Variants in SUGCT observed in about 807,000 individuals in gnomAD.
SUGCT encodes succinyl-CoA:glutarate-CoA transferase.
Under a neutral mutation model 55.0 loss-of-function variants are expected in SUGCT, and 41 were observed. That is an observed-to-expected ratio of 0.74 (90% CI 0.58 to 0.97). The LOEUF is 0.97. Ranked by LOEUF, SUGCT falls within the 50% of genes least tolerant of loss-of-function variation. The probability of loss-of-function intolerance (pLI) is 0.00; values close to 1 mark genes in which losing one functional copy is unlikely to be tolerated. For missense variants in SUGCT, 568 were observed against 547.8 expected, an observed-to-expected ratio of 1.04 and a Z score of -0.37; for synonymous variants, 187 against 200.4, an observed-to-expected ratio of 0.93 and a Z score of 0.56.
chr7:40,448,899 C>T (rs1049554953), intron 9 of SUGCT, among the ~76,000 whole-genome samples: 12 of 143,286 alleles, frequency 8.4e-5, no homozygotes, highest in African/African-American at 3.2e-4. Flanking sequence ...CATACATAGA[C>T]ACATATGTGT....
chr7:40,867,886 A>G, the SUGCT span, among the ~76,000 whole-genome samples: 1 of 152,198 alleles, frequency 6.6e-6, no homozygotes, highest in East Asian at 1.9e-4. Context: ...GTTCTCTTCT[A>G]TTAAACTATA....
chr7:40,451,050 C>G (rs1789163697), intron 10 of SUGCT, among the ~76,000 whole-genome samples: 2 of 151,352 alleles, frequency 1.3e-5, no homozygotes, highest in Admixed American at 6.6e-5. Context: ...AACATTTGAT[C>G]TGGGATCAAA....
At chr7:40,848,499 C>A (rs1285808446) in intron 13 of SUGCT, among the ~76,000 whole-genome samples, 1 of 152,026 alleles carries the variant, frequency 6.6e-6, no homozygotes, top group African/African-American at 2.4e-5. Context: ...GCCTCATTTC[C>A]GTTATCTGCA....
intron 9 of SUGCT, among the ~76,000 whole-genome samples, chr7:40,429,170 G>T (rs1321327205): frequency 6.6e-6 from 1 of 151,658 alleles, no homozygotes. Context: ...TACACATTTA[G>T]CATGAATCTC....
chr7:40,720,975 A>G (rs947026549), intron 12 of SUGCT, among the ~76,000 whole-genome samples: 9 of 152,240 alleles, frequency 5.9e-5, no homozygotes, highest in African/African-American at 2.2e-4. Context: ...TTCCAAAAGC[A>G]CATAAGGTTA....
chr7:40,935,593 T>C, the SUGCT span, among the ~76,000 whole-genome samples: 17 of 152,364 alleles, frequency 1.1e-4, no homozygotes, highest in African/African-American at 4.1e-4. Flanking sequence ...CTTTATTTAT[T>C]TTATGGCCGA....
At chr7:40,562,298 C>CA (rs113046606) in intron 12 of SUGCT, among the ~76,000 whole-genome samples, 16,744 of 91,730 alleles carry the variant, frequency 0.18, 1,378 homozygotes, top group African/African-American at 0.31. Context: ...GATTCCGTCT[C>CA]AAAAAAAAAA....
At chr7:41,016,088 C>T in the SUGCT span, among the ~76,000 whole-genome samples, 1 of 152,176 alleles carries the variant, frequency 6.6e-6, no homozygotes, top group Non-Finnish European at 1.5e-5. Flanking sequence ...TTCCCATGTT[C>T]TAACCATCAG....
rs192055422 is a variant in SUGCT, at chr7:40,185,563, C to T, written c.227-2932C>T. 4.2e-3 allele frequency among the ~76,000 whole-genome samples: 641 copies of T among 152,260 alleles called. 5 individuals carry two copies. The highest frequency in any genetic ancestry group is 0.014 in the African/African-American group (585 of 41,534). On this transcript the variant is annotated intron_variant, in intron 3 of 13. Coordinates refer to ENST00000335693, the MANE Select transcript of SUGCT (RefSeq NM_001193313.2). ...TGAGACAGACTTTTCGCTCTTCTTG[C>T]CCAGGCTGGAGTGCAATGGCACGAT...
the SUGCT span, among the ~76,000 whole-genome samples, chr7:40,930,762 C>G: frequency 1.1e-4 from 17 of 152,102 alleles, no homozygotes; most frequent in Admixed American, 6.6e-4. Flanking sequence ...GATTTTTGCA[C>G]ATTGATTTTG....
chr7:40,484,482 C>G (rs368935073), intron 11 of SUGCT, among the ~76,000 whole-genome samples: 1 of 152,142 alleles, frequency 6.6e-6, no homozygotes, highest in South Asian at 2.1e-4. Context: ...TGCCAGTGGC[C>G]TAAGGGTGGT....
intron 13 of SUGCT, among the ~76,000 whole-genome samples, chr7:40,800,325 G>A (rs1348417331): frequency 1.4e-5 from 2 of 140,206 alleles, no homozygotes; most frequent in Non-Finnish European, 3.1e-5. Context: ...TTTCAGTCTT[G>A]TCACCCAGGC....
In SUGCT at chr7:40,372,928, GA is replaced by G. The variant is rs564986737; in HGVS notation, c.816+56077del. Among the ~76,000 whole-genome samples, 50 of 152,124 alleles carry G rather than the reference GA, an allele frequency of 3.3e-4. No individual in the cohort carries two copies. The East Asian group carries it at 5.4e-3, about 16-fold the overall frequency. ...ATTCAAATCCATATTGATTTGTCAT[GA>G]AAAGGAAATTGTAAGACAAATATAT... is the stretch of plus-strand genomic sequence containing the variant. On this transcript the variant is annotated intron_variant, in intron 9 of 13. Transcript: ENST00000335693.
At position 40,162,619 on chromosome 7, in the gene SUGCT, G is replaced by A. The variant is rs567871772; in HGVS notation, c.101-18328G>A. 3.9e-5 allele frequency among the ~76,000 whole-genome samples: 6 copies of A among 152,296 alleles called. No individual in the cohort carries two copies. In the South Asian group the frequency reaches 1.2e-3, roughly 32 times the overall value. On this transcript the variant is annotated intron_variant, in intron 1 of 13. Coordinates refer to ENST00000335693, the MANE Select transcript of SUGCT (RefSeq NM_001193313.2). Reference sequence around the variant, plus strand: ...AGCCTCCTGAGTAGCTGGGACCACAGGCATGCACCATCATTCCCAGCTGAC... The same window carrying A: ...AGCCTCCTGAGTAGCTGGGACCACAAGCATGCACCATCATTCCCAGCTGAC...
intron 12 of SUGCT, among the ~76,000 whole-genome samples, chr7:40,666,402 A>G (rs915911617): frequency 6.9e-5 from 8 of 115,728 alleles, no homozygotes; most frequent in African/African-American, 3.3e-4. Context: ...AAAGAAAGAA[A>G]GTAGGGTTAT....
chr7:40,459,285 A>T, intron 11 of SUGCT, 87 bp downstream of exon 11: 1 of 843,850 alleles, frequency 1.2e-6, no homozygotes, highest in Non-Finnish European at 1.8e-6. Flanking sequence ...TTCTTGGCTT[A>T]TTTGAGATCA....
intron 12 of SUGCT, among the ~76,000 whole-genome samples, chr7:40,601,994 T>C (rs1798315134): frequency 6.6e-6 from 1 of 152,232 alleles, no homozygotes; most frequent in Non-Finnish European, 1.5e-5. Context: ...TGGACTTTTA[T>C]AGACATACTC....
At chr7:40,863,779 C>T (rs1794534157), downstream of SUGCT, among the ~76,000 whole-genome samples, 2 of 151,816 alleles carry the variant, frequency 1.3e-5, no homozygotes, top group South Asian at 2.1e-4. Flanking sequence ...TGAGGTACAA[C>T]GGGCCTGAAA....
At chr7:40,845,765 G>A (rs145469287) in intron 13 of SUGCT, among the ~76,000 whole-genome samples, 105 of 152,258 alleles carry the variant, frequency 6.9e-4, no homozygotes, top group African/African-American at 2.3e-3. Context: ...GGTTTGGGGG[G>A]CCTAATTTTC....
Sources: allele counts gnomAD v4.1 joint callset (sites outside exome capture counted in the v4.1 genomes callset), GRCh38; gene constraint gnomAD v4.1.1; transcripts MANE v1.5; gene names NCBI Gene and HGNC (gene_info 2026-07-23, HGNC 2026-07-21).